The following ADAM18 variants were observed in gnomAD, a reference collection of about 807,000 sequenced individuals.
The protein encoded by ADAM18 is ADAM metallopeptidase domain 18.
A neutral mutation model predicts 94.4 loss-of-function variants in ADAM18; 117 were observed. The observed-to-expected ratio is 1.24, with a 90% CI of 1.07 to 1.45. ADAM18 has a LOEUF of 1.45. Among genes scored for constraint, ADAM18 ranks in the 40% most tolerant of loss-of-function variants. ADAM18 has a pLI of 0.00. For synonymous variants in ADAM18, 327 were observed against 291.6 expected (o/e 1.12, Z -1.24); for missense variants, 936 against 880.0 (o/e 1.06, Z -0.81).
chr8:39,594,305 CAAAG>C (rs1453995088), intron 2 of ADAM18, among the ~76,000 whole-genome samples: 1 of 152,060 alleles, frequency 6.6e-6, no homozygotes, highest in Non-Finnish European at 1.5e-5. Flanking sequence ...TAAAGGAACA[CAAAG>C]AAATAAGTGT....
chr8:39,648,296 G>A (rs1820439033), intron 11 of ADAM18, 48 bp from the exon 12 acceptor site: 2 of 1,477,458 alleles, frequency 1.4e-6, no homozygotes, highest in South Asian at 2.9e-5. Context: ...TTTAGATGTG[G>A]TTTTATTAGC....
chr8:39,652,086 C>T (rs1391073412), intron 12 of ADAM18, among the ~76,000 whole-genome samples: 1 of 151,992 alleles, frequency 6.6e-6, no homozygotes, highest in Non-Finnish European at 1.5e-5. Flanking sequence ...AGACCTGAAA[C>T]TATAAAATTA....
At chr8:39,701,608 T>A (rs906074085) in intron 17 of ADAM18, among the ~76,000 whole-genome samples, 2 of 152,122 alleles carry the variant, frequency 1.3e-5, no homozygotes, top group Non-Finnish European at 2.9e-5. Flanking sequence ...CTAGTATCCA[T>A]TAGTTATTTC....
chr8:39,689,840 G>A (rs770962588), intron 16 of ADAM18, among the ~76,000 whole-genome samples: 7 of 152,102 alleles, frequency 4.6e-5, no homozygotes, highest in Non-Finnish European at 8.8e-5. Flanking sequence ...CATGGAATGT[G>A]TTTCTATTTG....
At chr8:39,641,151 T>C (rs945887939) in intron 10 of ADAM18, among the ~76,000 whole-genome samples, 2 of 152,140 alleles carry the variant, frequency 1.3e-5, no homozygotes, top group African/African-American at 4.8e-5. Flanking sequence ...GGTTTTACAT[T>C]TAAGTCTTTA....
intron 6 of ADAM18, among the ~76,000 whole-genome samples, chr8:39,615,720 C>T (rs770169011): frequency 1.1e-4 from 17 of 152,054 alleles, no homozygotes; most frequent in Non-Finnish European, 1.2e-4. Context: ...AGAGCAATCA[C>T]GTAAGAGAAA....
intron 13 of ADAM18, among the ~76,000 whole-genome samples, chr8:39,664,118 A>G (rs1314395654): frequency 6.6e-6 from 1 of 152,252 alleles, no homozygotes; most frequent in Non-Finnish European, 1.5e-5. Flanking sequence ...ATACTGAACC[A>G]CTTAATACGT....
chr8:39,619,004 C>G (rs1018390236), intron 6 of ADAM18, among the ~76,000 whole-genome samples: 1 of 151,906 alleles, frequency 6.6e-6, no homozygotes, highest in Non-Finnish European at 1.5e-5. Context: ...GGGGGTCTCC[C>G]TACAAATTAG....
intron 16 of ADAM18, among the ~76,000 whole-genome samples, chr8:39,680,566 A>G (rs1821427931): frequency 6.6e-6 from 1 of 152,216 alleles, no homozygotes; most frequent in Non-Finnish European, 1.5e-5. Flanking sequence ...GACTTTACAT[A>G]TTTCTTAAAT....
intron 16 of ADAM18, among the ~76,000 whole-genome samples, chr8:39,682,642 C>A (rs957452876): frequency 2.0e-5 from 3 of 152,136 alleles, no homozygotes; most frequent in Non-Finnish European, 2.9e-5. Flanking sequence ...CTAATCCCCC[C>A]CCACACACAC....
At chr8:39,587,599 C>T (rs1448310836) in intron 2 of ADAM18, among the ~76,000 whole-genome samples, 1 of 152,116 alleles carries the variant, frequency 6.6e-6, no homozygotes, top group Non-Finnish European at 1.5e-5. Flanking sequence ...TGCATGCCAC[C>T]ACACCTGGAT....
chr8:39,610,472 G>T, intron 5 of ADAM18, 57 bp from the exon 6 acceptor site: 1 of 1,493,350 alleles, frequency 6.7e-7, no homozygotes, highest in Non-Finnish European at 9.0e-7. Flanking sequence ...TTATCATTTT[G>T]AAGGGATCAT....
At chr8:39,637,053 A>G (rs7464399) in intron 7 of ADAM18, among the ~76,000 whole-genome samples, 78,851 of 138,626 alleles carry the variant, frequency 0.57, 24,034 homozygotes, top group Non-Finnish European at 0.66. Flanking sequence ...ATATATATAT[A>G]TATATATATA....
chr8:39,618,840 C>A (rs7819811), intron 6 of ADAM18, among the ~76,000 whole-genome samples: 1 of 152,132 alleles, frequency 6.6e-6, no homozygotes, highest in South Asian at 2.1e-4. Flanking sequence ...CCTGACTGCA[C>A]GTTCATTCAT....
intron 6 of ADAM18, among the ~76,000 whole-genome samples, chr8:39,622,157 T>A (rs1379125710): frequency 6.6e-6 from 1 of 151,864 alleles, no homozygotes; most frequent in Non-Finnish European, 1.5e-5. Context: ...TTTAACTACT[T>A]CTACTTAAAA....
intron 14 of ADAM18, among the ~76,000 whole-genome samples, chr8:39,676,713 C>G (rs1421538320): frequency 2.0e-5 from 3 of 152,222 alleles, no homozygotes; most frequent in African/African-American, 7.2e-5. Flanking sequence ...GCAGAAATCA[C>G]CCATCTTCTG....
intron 6 of ADAM18, among the ~76,000 whole-genome samples, chr8:39,614,900 G>T (rs1036741020): frequency 6.6e-6 from 1 of 152,138 alleles, no homozygotes; most frequent in Non-Finnish European, 1.5e-5. Flanking sequence ...TCAACAAGAA[G>T]ATTTAACTAT....
At chr8:39,716,497 A>G (rs1008756327) in intron 18 of ADAM18, among the ~76,000 whole-genome samples, 1 of 151,990 alleles carries the variant, frequency 6.6e-6, no homozygotes, top group Non-Finnish European at 1.5e-5. Context: ...CACATTCTGT[A>G]AATTTTCAAG....
chr8:39,640,136 A>AAT (rs1458036634), intron 10 of ADAM18, among the ~76,000 whole-genome samples: 11 of 152,136 alleles, frequency 7.2e-5, no homozygotes, highest in African/African-American at 2.6e-4. Context: ...ATAGATATTA[A>AAT]GCCCAACATC....
Sources: gnomAD v4.1 joint callset for allele counts (sites outside exome capture counted in the v4.1 genomes callset) on GRCh38, gnomAD v4.1.1 for gene constraint, MANE v1.5 for transcripts, NCBI Gene and HGNC (gene_info 2026-07-23, HGNC 2026-07-21) for gene names.